The following RETREG3 variants were observed in gnomAD, a reference collection of about 807,000 sequenced individuals.
RETREG3 encodes reticulophagy regulator family member 3.
Under a neutral mutation model 50.2 loss-of-function variants are expected in RETREG3, and 23 were observed. The ratio of observed to expected loss-of-function variants is 0.46; its 90% CI spans 0.33 to 0.65. RETREG3 has a LOEUF of 0.65. RETREG3 is among the 30% of genes least tolerant of loss of function. RETREG3 has a pLI of 0.02. For missense variants in RETREG3, 546 were observed against 598.0 expected (o/e 0.91, Z 0.91); for synonymous variants, 240 against 234.4 (o/e 1.02, Z -0.22).
At position 42,597,588 on chromosome 17, in the gene RETREG3, TA is replaced by T. The variant is rs1207422856; in HGVS notation, c.240-5427del. 2.7e-3 allele frequency among the ~76,000 whole-genome samples: 23 copies of T among 8,620 alleles called. 1 individual carries two copies. The highest frequency in any genetic ancestry group is 8.0e-3 in the African/African-American group (22 of 2,750). The allele number at this position is 8,620 out of a possible 152,430, so 5.7% of individuals were successfully genotyped here. ...TATATATATATTTTGTGTGTATATA[TA>T]TATATATATATATATATATATATAT... is the stretch of plus-strand genomic sequence containing the variant. On this transcript the variant is annotated intron_variant, in intron 1 of 8. Coordinates refer to ENST00000309428, the MANE Select transcript of RETREG3 (RefSeq NM_178126.4).
intron 1 of RETREG3, among the ~76,000 whole-genome samples, chr17:42,606,013 A>C (rs1309871108): frequency 6.9e-6 from 1 of 144,574 alleles, no homozygotes; most frequent in Non-Finnish European, 1.5e-5. Context: ...AAAAAAAAAA[A>C]GTCACATCCT....
At position 42,590,764 on chromosome 17, in the gene RETREG3, C is replaced by T. The variant is rs192305087; in HGVS notation, c.346+1292G>A. On this transcript the variant is annotated intron_variant, in intron 2 of 8. Coordinates refer to ENST00000309428, the MANE Select transcript of RETREG3 (RefSeq NM_178126.4). The stretch of plus-strand genomic sequence containing the variant: ...GGTGGATCACCTGAGGTCAGAAGTT[C>T]GAGACCAGCCTGGCCAACATGGTAA... Among the ~76,000 whole-genome samples, 46 of 152,234 alleles carry T rather than the reference C, an allele frequency of 3.0e-4. No individual in the cohort carries two copies. In the East Asian group the frequency reaches 7.9e-3, roughly 26 times the overall value.
At chr17:42,606,379 C>G (rs527877557) in intron 1 of RETREG3, among the ~76,000 whole-genome samples, 1 of 151,984 alleles carries the variant, frequency 6.6e-6, no homozygotes, top group Non-Finnish European at 1.5e-5. Flanking sequence ...TCGCAGATCA[C>G]GAGGTCAGGA....
At chr17:42,593,175 T>C (rs1342886955) in intron 1 of RETREG3, among the ~76,000 whole-genome samples, 1 of 152,126 alleles carries the variant, frequency 6.6e-6, no homozygotes, top group African/African-American at 2.4e-5. Flanking sequence ...TGTAAAAATC[T>C]TCAATAAAAT....
intron 8 of RETREG3, 78 bp from the exon 9 acceptor site, chr17:42,582,348 T>G: frequency 7.1e-7 from 1 of 1,408,036 alleles, no homozygotes; most frequent in African/African-American, 1.4e-5. Flanking sequence ...ACCAGATTTT[T>G]CCCACCCTGG....
intron 1 of RETREG3, chr17:42,596,733 G>A (rs887866458): frequency 1.3e-5 from 2 of 152,098 alleles, no homozygotes; most frequent in African/African-American, 4.8e-5. Context: ...GGAAGGAAAG[G>A]AGAAGCACAC....
intron 6 of RETREG3, 126 bp from the exon 7 acceptor site, chr17:42,583,706 A>G (rs911079890): frequency 2.6e-5 from 20 of 765,316 alleles, no homozygotes; most frequent in Non-Finnish European, 3.4e-5. Flanking sequence ...AAGCCTACAT[A>G]ATAATAACAG....
At chr17:42,609,376 A>G (rs767654554), upstream of RETREG3, 2 of 1,542,500 alleles carry the variant, frequency 1.3e-6, no homozygotes, top group South Asian at 1.2e-5. Flanking sequence ...AGTCACAATA[A>G]CAGCAACTGC....
At chr17:42,586,687 T>C in intron 4 of RETREG3, 78 bp downstream of exon 4, 9 of 1,532,496 alleles carry the variant, frequency 5.9e-6, no homozygotes, top group Non-Finnish European at 8.0e-6. Flanking sequence ...TGAAGACACA[T>C]AGTAAAGGAG....
At chr17:42,596,344 T>C (rs2093144427) in intron 1 of RETREG3, among the ~76,000 whole-genome samples, 1 of 106,860 alleles carries the variant, frequency 9.4e-6, no homozygotes, top group Admixed American at 1.5e-4. Flanking sequence ...GGCTGACAAA[T>C]CTGAGACCCT....
At chr17:42,599,798 G>T (rs565652141) in intron 1 of RETREG3, among the ~76,000 whole-genome samples, 2 of 152,152 alleles carry the variant, frequency 1.3e-5, no homozygotes, top group East Asian at 3.9e-4. Context: ...TTCGAGACAA[G>T]CCTGGCCAAC....
chr17:42,597,795 A>T (rs8076672), intron 1 of RETREG3, among the ~76,000 whole-genome samples: 75,995 of 148,804 alleles, frequency 0.51, 19,545 homozygotes, highest in South Asian at 0.64. Flanking sequence ...GCGCCCAGCT[A>T]ATTTTTGTAT....
intron 1 of RETREG3, among the ~76,000 whole-genome samples, chr17:42,602,407 G>GA (rs1393997706): frequency 6.0e-5 from 9 of 150,940 alleles, no homozygotes; most frequent in Non-Finnish European, 4.4e-5. Flanking sequence ...CAGCAGAGAT[G>GA]AAAAAAAAAT....
At chr17:42,605,990 C>CAAAA (rs764477176) in intron 1 of RETREG3, among the ~76,000 whole-genome samples, 1 of 65,058 alleles carries the variant, frequency 1.5e-5, no homozygotes, top group African/African-American at 6.6e-5. Flanking sequence ...GACTCCATCT[C>CAAAA]AAAAAAAAAA....
Position 42,586,754 on chromosome 17 carries a change from AAG to A in RETREG3, c.504+9_504+10del. The stretch of plus-strand genomic sequence containing the variant: ...GGCCAGAGATGAAAGTGAAAAAGGG[AAG>A]AGTCTTACCTTGCCTGGGTTTTGCT... On this transcript the variant is annotated intron_variant, in intron 4 of 8. Coordinates refer to ENST00000309428, the MANE Select transcript of RETREG3 (RefSeq NM_178126.4). The A allele has an allele frequency of 1.2e-6, 2 of 1,612,946 alleles. No homozygotes were observed. Among genetic ancestry groups the A allele is most frequent in the East Asian group, 4.5e-5 (2 of 44,852 alleles).
rs1277110069 is a variant in RETREG3 at position 42,581,915 on chromosome 17, G to A, written c.1299C>T (p.Ser433=). 1 of 1,614,158 alleles carries A rather than the reference G, an allele frequency of 6.2e-7. No individual in the cohort carries two copies. Among genetic ancestry groups the A allele is most frequent in the East Asian group, 2.2e-5 (1 of 44,878 alleles). Residue 433 remains serine, a synonymous_variant, in exon 9 of 9, where the codon TCC becomes TCT. Coordinates refer to ENST00000309428, the MANE Select transcript of RETREG3 (RefSeq NM_178126.4). The part of the protein sequence containing the change: ...AQRATRGFLR[S]PSSDLDTDAE... The stretch of plus-strand genomic sequence containing the variant: ...CATCAGTGTCCAGGTCTGAACTGGG[G>A]GACCGGAGGAAGCCTCTCGTTGCTC...
chr17:42,588,069 G>C (rs1243363101), intron 2 of RETREG3, among the ~76,000 whole-genome samples: 2 of 152,190 alleles, frequency 1.3e-5, no homozygotes, highest in Non-Finnish European at 2.9e-5. Flanking sequence ...CATTTTTCGA[G>C]GGGAAGGAAG....
intron 1 of RETREG3, among the ~76,000 whole-genome samples, chr17:42,598,290 G>T (rs1270721084): frequency 6.6e-6 from 1 of 151,952 alleles, no homozygotes; most frequent in Non-Finnish European, 1.5e-5. Context: ...CTCTTCCTCT[G>T]AAGTTATTAT....
intron 2 of RETREG3, among the ~76,000 whole-genome samples, chr17:42,590,684 G>A (rs1057313353): frequency 3.3e-5 from 5 of 151,490 alleles, no homozygotes; most frequent in Admixed American, 3.3e-4. Context: ...AAAAAAGAAT[G>A]CGCCAGGTGC....
Sources: gnomAD v4.1 joint callset for allele counts (sites outside exome capture counted in the v4.1 genomes callset) on GRCh38, gnomAD v4.1.1 for gene constraint, MANE v1.5 for transcripts, NCBI Gene and HGNC (gene_info 2026-07-23, HGNC 2026-07-21) for gene names.